Variants in ZMYND8 observed in about 807,000 individuals in gnomAD.
ZMYND8 encodes zinc finger MYND-type containing 8.
A neutral mutation model predicts 140.8 loss-of-function variants in ZMYND8; 37 were observed. The ratio of observed to expected loss-of-function variants is 0.26; its 90% CI spans 0.20 to 0.35. The LOEUF (loss-of-function observed/expected upper bound fraction) is 0.35, where lower values mean the gene tolerates loss of function less well. Among genes scored for constraint, ZMYND8 ranks in the 10% least tolerant of loss-of-function variants. The pLI is 1.00. For missense variants in ZMYND8, 1,068 were observed against 1,570.0 expected (o/e 0.68, Z 5.40); for synonymous variants, 592 against 597.1 (o/e 0.99, Z 0.12).
intron 4 of ZMYND8, among the ~76,000 whole-genome samples, chr20:47,297,566 C>T (rs907972000): frequency 1.3e-5 from 2 of 152,068 alleles, no homozygotes; most frequent in African/African-American, 2.4e-5. Flanking sequence ...GGACTACAGG[C>T]ACATACCACC....
In ZMYND8 at chr20:47,216,355, C is replaced by G. The variant is rs2146839912; in HGVS notation, c.3485-3630G>C. ...TTAAAAATACAAAAAATTAGTTGGG[C>G]ATGGTGATGCACACCTGTAATCCCA... On this transcript the variant is annotated intron_variant, in intron 21 of 22. Coordinates refer to ENST00000471951, the MANE Select transcript of ZMYND8 (RefSeq NM_001281775.3). Among the ~76,000 whole-genome samples, 4 of 151,460 alleles carry G rather than the reference C, an allele frequency of 2.6e-5. No homozygotes were observed. In the South Asian group the frequency reaches 8.4e-4, roughly 32 times the overall value.
At chr20:47,259,431 G>A (rs1021898045) in intron 12 of ZMYND8, among the ~76,000 whole-genome samples, 1 of 152,094 alleles carries the variant, frequency 6.6e-6, no homozygotes, top group African/African-American at 2.4e-5. Context: ...GCTGCCTCTG[G>A]GATCCTGGGC....
chr20:47,245,950 G>T (rs2040517431), intron 14 of ZMYND8, 58 bp downstream of exon 14: 1 of 1,529,362 alleles, frequency 6.5e-7, no homozygotes, highest in African/African-American at 1.4e-5. Flanking sequence ...GATAGTAAGT[G>T]TACGAGGTAG....
rs1287998638 is a variant in ZMYND8 at position 47,238,600 on chromosome 20, A to T, written c.2665+158T>A. On this transcript the variant is annotated intron_variant, in intron 15 of 22. Coordinates refer to ENST00000471951, the MANE Select transcript of ZMYND8 (RefSeq NM_001281775.3). ...AAAAGCAAGTAGCAAAACAATTTTT[A>T]AAAATAATGCCAAATGGAATGTGCA... 4 of 1,359,164 alleles carry T rather than the reference A, an allele frequency of 2.9e-6. No individual in the cohort carries two copies. In the South Asian group the frequency reaches 4.1e-5, roughly 14 times the overall value. 84.2% of individuals were successfully genotyped at this position (1,359,164 alleles called of 1,614,324 possible). A position where few individuals can be genotyped will look rare whatever the true frequency, so the allele number is the denominator to read the frequency against.
chr20:47,224,175 G>T, intron 19 of ZMYND8, 142 bp downstream of exon 19: 2 of 1,384,322 alleles, frequency 1.4e-6, no homozygotes, highest in African/African-American at 1.4e-5. Context: ...CTGTGTGTAA[G>T]ACACAATTGT....
intron 1 of ZMYND8, among the ~76,000 whole-genome samples, chr20:47,354,979 G>A (rs1158954857): frequency 1.3e-5 from 2 of 152,052 alleles, no homozygotes; most frequent in Non-Finnish European, 2.9e-5. Flanking sequence ...GGTGGTAGAT[G>A]AGATTTTGCA....
intron 10 of ZMYND8, among the ~76,000 whole-genome samples, chr20:47,277,671 A>T (rs1216740417): frequency 1.3e-5 from 2 of 150,972 alleles, no homozygotes; most frequent in African/African-American, 4.9e-5. Context: ...TTATTTATTT[A>T]TTTATTTATT....
At chr20:47,301,651 C>G (rs1187849140) in intron 3 of ZMYND8, among the ~76,000 whole-genome samples, 1 of 151,984 alleles carries the variant, frequency 6.6e-6, no homozygotes, top group African/African-American at 2.4e-5. Context: ...ATGAGAAAAT[C>G]AGAAATCAAA....
intron 22 of ZMYND8, among the ~76,000 whole-genome samples, chr20:47,211,867 G>C (rs560534669): frequency 1.3e-4 from 20 of 152,082 alleles, no homozygotes; most frequent in Non-Finnish European, 2.1e-4. Context: ...CTGGTAAAAA[G>C]GCATGTGTGG....
intron 16 of ZMYND8, among the ~76,000 whole-genome samples, chr20:47,232,549 A>AT (rs1448563979): frequency 6.6e-6 from 1 of 152,068 alleles, no homozygotes. Context: ...TCTTTTAGTA[A>AT]TTTTTTAAAG....
chr20:47,244,629 G>A (rs1396870752), intron 14 of ZMYND8, among the ~76,000 whole-genome samples: 3 of 152,226 alleles, frequency 2.0e-5, no homozygotes, highest in Admixed American at 2.0e-4. Context: ...AGCAAGTAAG[G>A]TTGCCATCTG....
intron 21 of ZMYND8, among the ~76,000 whole-genome samples, chr20:47,218,073 G>C (rs2036381285): frequency 2.0e-5 from 3 of 152,206 alleles, no homozygotes; most frequent in Admixed American, 2.0e-4. Flanking sequence ...GGCAGGGTGA[G>C]CAGCTATGAC....
chr20:47,331,767 C>T (rs915971545), intron 2 of ZMYND8, among the ~76,000 whole-genome samples: 2 of 152,090 alleles, frequency 1.3e-5, no homozygotes, highest in Non-Finnish European at 2.9e-5. Flanking sequence ...GCAGAGACAG[C>T]GCAGCAGATG....
At chr20:47,251,999 A>G (rs2074222600) in intron 12 of ZMYND8, among the ~76,000 whole-genome samples, 3 of 152,012 alleles carry the variant, frequency 2.0e-5, no homozygotes, top group African/African-American at 4.8e-5. Flanking sequence ...AAAAAGAAAG[A>G]AAGAAAAGAG....
intron 19 of ZMYND8, 42 bp downstream of exon 19, chr20:47,224,275 C>A (rs1175087957): frequency 3.1e-6 from 5 of 1,609,520 alleles, no homozygotes; most frequent in Non-Finnish European, 4.2e-6. Context: ...CAATGCCAAG[C>A]CACTGCAGCC....
chr20:47,222,632 T>C (rs918814598), intron 19 of ZMYND8, among the ~76,000 whole-genome samples: 1 of 152,192 alleles, frequency 6.6e-6, no homozygotes, highest in Non-Finnish European at 1.5e-5. Context: ...AAGGACATTT[T>C]GGCCATCTTG....
chr20:47,241,819 CT>C lies in ZMYND8; in HGVS notation c.2285-2682del, dbSNP rs536750853. 3.1e-3 allele frequency among the ~76,000 whole-genome samples: 428 copies of C among 137,832 alleles called. 3 individuals carry two copies. The highest frequency in any genetic ancestry group is 0.029 in the South Asian group (126 of 4,332). 90.4% of individuals were successfully genotyped at this position (137,832 alleles called of 152,430 possible). A position where few individuals can be genotyped will look rare whatever the true frequency, so the allele number is the denominator to read the frequency against. On this transcript the variant is annotated intron_variant, in intron 14 of 22. Coordinates refer to ENST00000471951, the MANE Select transcript of ZMYND8 (RefSeq NM_001281775.3). ...GATTATGTCTGCCTCTTTTTCTTTT[CT>C]TTTTTTTTTTTTTTTGAGATGGAGT...
At chr20:47,267,380 C>T (rs966800026) in intron 11 of ZMYND8, among the ~76,000 whole-genome samples, 3 of 151,576 alleles carry the variant, frequency 2.0e-5, no homozygotes, top group Non-Finnish European at 2.9e-5. Context: ...GCACTAAATG[C>T]CACTGATCTG....
At chr20:47,294,473 A>G (rs2077516838) in intron 5 of ZMYND8, among the ~76,000 whole-genome samples, 193 bp downstream of exon 5, 1 of 152,236 alleles carries the variant, frequency 6.6e-6, no homozygotes, top group African/African-American at 2.4e-5. Flanking sequence ...CCTCTGGGAC[A>G]TACAGTGCTT....
Sources: gnomAD v4.1 joint callset for allele counts (sites outside exome capture counted in the v4.1 genomes callset) on GRCh38, gnomAD v4.1.1 for gene constraint, MANE v1.5 for transcripts, NCBI Gene and HGNC (gene_info 2026-07-23, HGNC 2026-07-21) for gene names.